Variants in TRPC6 observed in about 807,000 individuals in gnomAD.
The protein encoded by TRPC6 is transient receptor potential cation channel subfamily C member 6.
Under a neutral mutation model 90.7 loss-of-function variants are expected in TRPC6, and 55 were observed. The ratio of observed to expected loss-of-function variants is 0.61; its 90% CI spans 0.49 to 0.76. TRPC6 has a LOEUF of 0.76. Among genes scored for constraint, TRPC6 ranks in the 30% least tolerant of loss-of-function variants. The pLI, the probability that TRPC6 is intolerant of heterozygous loss-of-function variation, is 0.00. For synonymous variants in TRPC6, 393 were observed against 393.0 expected, an observed-to-expected ratio of 1.00 and a Z score of 0.00; for missense variants, 989 against 1,122.7, an observed-to-expected ratio of 0.88 and a Z score of 1.70.
At position 101,453,076 on chromosome 11, in the gene TRPC6, G is replaced by A; in HGVS notation, c.2675C>T (p.Ser892Leu). The change falls in exon 13 of 13, where the codon TCA (serine) becomes TTA (leucine). Residue 892 changes from serine to leucine, a missense_variant. Around this residue, in one of 4 missense-constraint regions of TRPC6, gnomAD observed 191 missense variants for 196.7 expected, o/e 0.97. Transcript: ENST00000344327. ...GELKEIKQDI[S>L]SLRYELLEEK... ...TTCAAGGAGTTCATAGCGGAGACTT[G>A]AGATGTCCTGCTTAATTTCCTTCAG... 1 of 1,613,834 alleles carries A rather than the reference G, an allele frequency of 6.2e-7. No homozygotes were observed. Among genetic ancestry groups the A allele is most frequent in the South Asian group, 1.1e-5 (1 of 91,084 alleles).
At chr11:101,485,699 G>C (rs763126803) in intron 4 of TRPC6, among the ~76,000 whole-genome samples, 2 of 152,038 alleles carry the variant, frequency 1.3e-5, no homozygotes, top group Non-Finnish European at 2.9e-5. Flanking sequence ...GGAAGAATAA[G>C]AAGCAGCTTT....
At position 101,553,493 on chromosome 11, in the gene TRPC6, C is replaced by T. The variant is rs117389988; in HGVS notation, c.170+29841G>A. 7.1e-3 allele frequency among the ~76,000 whole-genome samples: 1,079 copies of T among 152,184 alleles called. 6 individuals carry two copies. Among genetic ancestry groups the T allele is most frequent in the Middle Eastern group, 0.02 (6 of 294 alleles). ...CTATTAACTCCTATTGCGTTCCTCA[C>T]CTATCGCATCAGCCCCTCTTGGATG... On this transcript the variant is annotated intron_variant, in intron 1 of 12. Transcript: ENST00000344327.
At chr11:101,476,602 T>C in intron 5 of TRPC6, 68 bp from the exon 6 acceptor site, 1 of 1,433,286 alleles carries the variant, frequency 7.0e-7, no homozygotes. Flanking sequence ...TAAAACAAAA[T>C]ATGTTTGAAA....
At chr11:101,529,751 CAAG>C (rs1860865047) in intron 1 of TRPC6, among the ~76,000 whole-genome samples, 1 of 152,204 alleles carries the variant, frequency 6.6e-6, no homozygotes, top group Non-Finnish European at 1.5e-5. Flanking sequence ...ACCCACACAG[CAAG>C]AAGCATTTGG....
intron 8 of TRPC6, among the ~76,000 whole-genome samples, chr11:101,471,762 T>A (rs949792218): frequency 6.6e-6 from 1 of 152,200 alleles, no homozygotes; most frequent in Admixed American, 6.5e-5. Flanking sequence ...ACACTATTAA[T>A]CTCAACTTGA....
intron 4 of TRPC6, among the ~76,000 whole-genome samples, chr11:101,484,976 G>T (rs963620115): frequency 6.6e-6 from 1 of 152,000 alleles, no homozygotes; most frequent in Non-Finnish European, 1.5e-5. Context: ...TCATTTCTTT[G>T]TGTTGAGAAT....
At chr11:101,576,615 A>G (rs951177364) in intron 1 of TRPC6, among the ~76,000 whole-genome samples, 1 of 152,198 alleles carries the variant, frequency 6.6e-6, no homozygotes, top group Admixed American at 6.5e-5. Flanking sequence ...TTCCTAAACA[A>G]AGAGCAATCA....
intron 1 of TRPC6, among the ~76,000 whole-genome samples, chr11:101,554,901 C>T (rs988901000): frequency 6.6e-6 from 1 of 152,090 alleles, no homozygotes; most frequent in Non-Finnish European, 1.5e-5. Flanking sequence ...GACTCCCTTC[C>T]CTCTCTGTCC....
At chr11:101,512,699 C>T (rs1591101258) in intron 1 of TRPC6, among the ~76,000 whole-genome samples, 1 of 152,102 alleles carries the variant, frequency 6.6e-6, no homozygotes, top group Non-Finnish European at 1.5e-5. Flanking sequence ...CTTTGGGGAA[C>T]TTCGCAAAAT....
chr11:101,486,171 A>G (rs1462117388), intron 4 of TRPC6, among the ~76,000 whole-genome samples: 1 of 152,130 alleles, frequency 6.6e-6, no homozygotes, highest in African/African-American at 2.4e-5. Flanking sequence ...GAAACCTCGT[A>G]GCCTTTATTT....
chr11:101,560,982 C>A (rs1033058060), intron 1 of TRPC6, among the ~76,000 whole-genome samples: 2 of 152,158 alleles, frequency 1.3e-5, no homozygotes, highest in African/African-American at 4.8e-5. Context: ...TATAAAAGAG[C>A]ATTCCAGTTT....
At chr11:101,537,603 GA>G (rs1861081402) in intron 1 of TRPC6, among the ~76,000 whole-genome samples, 1 of 152,046 alleles carries the variant, frequency 6.6e-6, no homozygotes, top group African/African-American at 2.4e-5. Context: ...GGGATCTTGG[GA>G]ACTATTTCCC....
chr11:101,552,280 T>C (rs1413422029), intron 1 of TRPC6, among the ~76,000 whole-genome samples: 1 of 152,120 alleles, frequency 6.6e-6, no homozygotes, highest in African/African-American at 2.4e-5. Flanking sequence ...ACAAGAAAGA[T>C]GACGAAGAGG....
chr11:101,476,819 T>C (rs1258459197), intron 5 of TRPC6, among the ~76,000 whole-genome samples: 1 of 152,192 alleles, frequency 6.6e-6, no homozygotes, highest in Non-Finnish European at 1.5e-5. Flanking sequence ...AACAGATGTT[T>C]ATTGTAGGAT....
intron 1 of TRPC6, among the ~76,000 whole-genome samples, chr11:101,545,378 G>T (rs1366427093): frequency 6.6e-6 from 1 of 152,046 alleles, no homozygotes. Context: ...TTATATCAGG[G>T]ACTTAAGCAT....
rs139315607 is a variant in TRPC6, at chr11:101,480,174, G to A, written c.1510+2775C>T. Among the ~76,000 whole-genome samples, 1,157 of 152,134 alleles carry A rather than the reference G, an allele frequency of 7.6e-3. 23 individuals carry two copies. Among genetic ancestry groups the A allele is most frequent in the African/African-American group, 0.026 (1,084 of 41,476 alleles). On this transcript the variant is annotated intron_variant, in intron 5 of 12. Coordinates refer to ENST00000344327, the MANE Select transcript of TRPC6 (RefSeq NM_004621.6). ...GCCTGGGCAGCAAGTGTGAAACTCC[G>A]TCTCAAAATAAATAAAATAAAAAAT... is the stretch of plus-strand genomic sequence containing the variant.
intron 1 of TRPC6, among the ~76,000 whole-genome samples, chr11:101,582,695 C>T (rs964029800): frequency 1.3e-5 from 2 of 152,138 alleles, no homozygotes; most frequent in African/African-American, 4.8e-5. Context: ...TCCCCAGACG[C>T]CCCGGGTGAA....
chr11:101,466,135 T>C (rs1859139341), intron 10 of TRPC6, among the ~76,000 whole-genome samples: 1 of 152,144 alleles, frequency 6.6e-6, no homozygotes, highest in Non-Finnish European at 1.5e-5. Context: ...GCCTGTTCTT[T>C]CCTCTTGAAT....
intron 7 of TRPC6, among the ~76,000 whole-genome samples, chr11:101,473,132 G>C (rs1021055504): frequency 6.6e-6 from 1 of 152,126 alleles, no homozygotes; most frequent in Non-Finnish European, 1.5e-5. Context: ...AGGAGGGTAA[G>C]GGAGTTTAGA....
Sources: gnomAD v4.1 joint callset for allele counts (sites outside exome capture counted in the v4.1 genomes callset) on GRCh38, gnomAD v4.1.1 for gene constraint, gnomAD v4.1.1 regional missense constraint, MANE v1.5 for transcripts, NCBI Gene and HGNC (gene_info 2026-07-23, HGNC 2026-07-21) for gene names.